Variants in PRKCZ observed in about 807,000 individuals in gnomAD.
PRKCZ encodes the protein protein kinase C zeta.
A neutral mutation model predicts 79.5 loss-of-function variants in PRKCZ; 33 were observed. The ratio of observed to expected loss-of-function variants is 0.41; its 90% CI spans 0.31 to 0.55. The LOEUF (loss-of-function observed/expected upper bound fraction) is 0.55. Among genes scored for constraint, PRKCZ ranks in the 20% least tolerant of loss-of-function variants. PRKCZ has a pLI of 0.19. For missense variants in PRKCZ, 578 were observed against 813.5 expected (o/e 0.71, Z 3.52); for synonymous variants, 342 against 320.9 (o/e 1.07, Z -0.70).
Position 2,175,428 on chromosome 1 carries a change from G to A in PRKCZ, c.1575+115G>A, listed in dbSNP as rs1318927328. 2.6e-4 allele frequency: 183 copies of A among 699,184 alleles called. No homozygotes were observed. In the African/African-American group the frequency reaches 6.6e-3, roughly 25 times the overall value. 43.3% of individuals were successfully genotyped at this position (699,184 alleles called of 1,614,324 possible). ...ACCCAACCCCCACCCCACCCCATCC[G>A]AACCCCAATATCCATCCCAACCCCA... On this transcript the variant is annotated intron_variant, in intron 16 of 17. Coordinates refer to ENST00000378567, the MANE Select transcript of PRKCZ (RefSeq NM_002744.6).
chr1:2,080,691 G>A (rs1663332090), intron 4 of PRKCZ, among the ~76,000 whole-genome samples: 1 of 152,148 alleles, frequency 6.6e-6, no homozygotes, highest in Admixed American at 6.5e-5. Flanking sequence ...CACCTTTCCA[G>A]CTAAGGCTTT....
intron 9 of PRKCZ, 27 bp downstream of exon 9, chr1:2,151,005 GGGGCCC>G: frequency 6.2e-7 from 1 of 1,610,678 alleles, no homozygotes; most frequent in Non-Finnish European, 8.5e-7. Context: ...ATGGGGCCCG[GGGGCCC>G]GGGAACGCGC....
intron 1 of PRKCZ, 49 bp downstream of exon 1, chr1:2,050,750 G>T (rs953622421): frequency 5.6e-5 from 58 of 1,041,290 alleles, no homozygotes; most frequent in Admixed American, 1.3e-4. Flanking sequence ...CAGGGAGGGC[G>T]GGGAGGGCTC....
upstream of PRKCZ, chr1:2,049,691 A>G (rs1659477992): frequency 1.3e-5 from 2 of 152,558 alleles, no homozygotes; most frequent in Non-Finnish European, 1.5e-5. Flanking sequence ...CCGTATTTTC[A>G]GGGGAGGAGC....
At position 2,094,921 on chromosome 1, in the gene PRKCZ, G is replaced by A. The variant is rs558823806; in HGVS notation, c.334+35330G>A. Among the ~76,000 whole-genome samples the A allele has an allele frequency of 9.2e-5, 14 of 152,260 alleles. No homozygotes were observed. In the South Asian group the frequency reaches 2.3e-3, roughly 25 times the overall value. The stretch of plus-strand genomic sequence containing the variant: ...CCTGCCTATAAAAAGCCCTGCCCTG[G>A]GTTCCCTGCTCCATGCCAGTTCTCT... On this transcript the variant is annotated intron_variant, in intron 4 of 17. Coordinates refer to ENST00000378567, the MANE Select transcript of PRKCZ (RefSeq NM_002744.6). This position sits in a 1 kb window ranked among gnomAD's most constrained non-coding sequence, Gnocchi z 7.3.
intron 4 of PRKCZ, among the ~76,000 whole-genome samples, chr1:2,131,091 G>A (rs1410579129): frequency 2.6e-5 from 4 of 152,128 alleles, no homozygotes; most frequent in African/African-American, 7.2e-5. Flanking sequence ...GCGTGGCCTC[G>A]CCTCTGTGGT....
chr1:2,156,261 T>C, intron 10 of PRKCZ, 169 bp downstream of exon 10: 2 of 585,970 alleles, frequency 3.4e-6, no homozygotes, highest in Non-Finnish European at 6.1e-6. Context: ...GTTGGTGTCA[T>C]ATTAAGTACA....
chr1:2,069,695 G>A (rs542209983), intron 4 of PRKCZ, among the ~76,000 whole-genome samples: 4 of 152,286 alleles, frequency 2.6e-5, no homozygotes, highest in South Asian at 2.1e-4. Flanking sequence ...GGGACCTCCC[G>A]ACACCCTGGC....
chr1:2,177,290 C>G lies in PRKCZ; in HGVS notation c.1575+1977C>G, dbSNP rs980665357. Among the ~76,000 whole-genome samples the G allele has an allele frequency of 6.6e-6, 1 of 152,166 alleles. No individual in the cohort carries two copies. The highest frequency in any genetic ancestry group is 2.1e-4 in the South Asian group (1 of 4,824). On this transcript the variant is annotated intron_variant, in intron 16 of 17. Coordinates refer to ENST00000378567, the MANE Select transcript of PRKCZ (RefSeq NM_002744.6). The surrounding 1 kb of genome is among the most constrained non-coding windows in gnomAD (Gnocchi z 6.4). ...CCGTAGCAGGTGCTTAGTAGAATTACGTGAGGAGCCAGCATCCCCGCTCCC... is the reference window on the plus strand; with the variant it reads ...CCGTAGCAGGTGCTTAGTAGAATTAGGTGAGGAGCCAGCATCCCCGCTCCC...
chr1:2,146,022 G>A lies in PRKCZ; in HGVS notation c.553-5G>A, dbSNP rs745739286. ...CATGCTGCCATCTCTGTGTCTCTCC[G>A]GCAGGATTCTGTCATGCCTTCCCAA... On this transcript the variant is annotated splice_region_variant and splice_polypyrimidine_tract_variant and intron_variant, in intron 6 of 17. Coordinates refer to ENST00000378567, the MANE Select transcript of PRKCZ (RefSeq NM_002744.6). The A allele has an allele frequency of 8.1e-6, 13 of 1,610,866 alleles. No individual in the cohort carries two copies. The highest frequency in any genetic ancestry group is 4.4e-5 in the South Asian group (4 of 91,018).
At chr1:2,126,978 C>T (rs1377493006) in intron 4 of PRKCZ, among the ~76,000 whole-genome samples, 2 of 152,260 alleles carry the variant, frequency 1.3e-5, no homozygotes, top group Non-Finnish European at 2.9e-5. Flanking sequence ...GTGTGTCCCA[C>T]GTGCCTAGAC....
chr1:2,179,467 A>T (rs1355728545), intron 16 of PRKCZ, among the ~76,000 whole-genome samples: 1 of 152,188 alleles, frequency 6.6e-6, no homozygotes, highest in African/African-American at 2.4e-5. Context: ...GCTAGTGACT[A>T]TCAGGAGTCT....
Position 2,075,756 on chromosome 1 carries a change from C to A in PRKCZ, c.334+16165C>A, listed in dbSNP as rs937917110. 2.0e-5 allele frequency among the ~76,000 whole-genome samples: 3 copies of A among 152,252 alleles called. No individual in the cohort carries two copies. The highest frequency in any genetic ancestry group is 7.2e-5 in the African/African-American group (3 of 41,470). On this transcript the variant is annotated intron_variant, in intron 4 of 17. Coordinates refer to ENST00000378567, the MANE Select transcript of PRKCZ (RefSeq NM_002744.6). This position sits in a 1 kb window ranked among gnomAD's most constrained non-coding sequence, Gnocchi z 4.8. ...TGCCTGAGAGCCCAGCCCATCCACA[C>A]TGGGTGCCCCAGACCTTCCACGGGG...
intron 10 of PRKCZ, among the ~76,000 whole-genome samples, chr1:2,160,534 G>A (rs1357755942): frequency 6.6e-6 from 1 of 152,234 alleles, no homozygotes; most frequent in Non-Finnish European, 1.5e-5. Context: ...GCCTGAAGGT[G>A]CCAGGGGCTT....
At chr1:2,160,712 G>T (rs1682080604) in intron 10 of PRKCZ, among the ~76,000 whole-genome samples, 1 of 152,168 alleles carries the variant, frequency 6.6e-6, no homozygotes, top group Non-Finnish European at 1.5e-5. Flanking sequence ...AGGGGGTGGG[G>T]AGGAGGGGCC....
chr1:2,086,599 C>G (rs1271529129), intron 4 of PRKCZ, among the ~76,000 whole-genome samples: 2 of 152,232 alleles, frequency 1.3e-5, no homozygotes, highest in South Asian at 2.1e-4. Context: ...GGCCGTTTCT[C>G]CACGGAACTT....
At position 2,135,340 on chromosome 1, in the gene PRKCZ, T is replaced by A; in HGVS notation, c.413T>A (p.Phe138Tyr). 1 of 1,611,598 alleles carries A rather than the reference T, an allele frequency of 6.2e-7. No homozygotes were observed. ...ANGHLFQAKR[F>Y]NRRAYCGQCS... Reference sequence around the variant, plus strand: ...GGCCACCTCTTCCAAGCCAAGCGCTTTAACAGGGTGAGTGGCCCCCTTGGG... The same window carrying A: ...GGCCACCTCTTCCAAGCCAAGCGCTATAACAGGGTGAGTGGCCCCCTTGGG... Residue 138 changes from phenylalanine (F) to tyrosine (Y), a missense_variant, in exon 5 of 18, where the codon TTT (phenylalanine) becomes TAT (tyrosine). Physicochemically the swap from Phe to Tyr is conservative, Grantham distance 22. Around this residue, in one of 4 missense-constraint regions of PRKCZ, gnomAD observed 228 missense variants for 211.6 expected, o/e 1.08. Coordinates refer to ENST00000378567, the MANE Select transcript of PRKCZ (RefSeq NM_002744.6).
chr1:2,091,278 C>A (rs1034345375), intron 4 of PRKCZ, among the ~76,000 whole-genome samples: 1 of 152,220 alleles, frequency 6.6e-6, no homozygotes, highest in Non-Finnish European at 1.5e-5. Context: ...CTCAGGTGAT[C>A]TGCCCGTCTT....
intron 16 of PRKCZ, among the ~76,000 whole-genome samples, chr1:2,175,535 A>G (rs1258511102): frequency 4.0e-5 from 4 of 100,360 alleles, no homozygotes; most frequent in South Asian, 7.5e-4. Context: ...CCCCACCCCA[A>G]TATCCACCCA....
Sources: allele counts gnomAD v4.1 joint callset (sites outside exome capture counted in the v4.1 genomes callset), GRCh38; gene constraint gnomAD v4.1.1; regional missense constraint gnomAD v4.1.1; non-coding constraint Gnocchi (gnomAD v3.1); transcripts MANE v1.5; gene names NCBI Gene and HGNC (gene_info 2026-07-23, HGNC 2026-07-21).